Variants in ITFG2 observed in about 807,000 individuals in gnomAD.
The protein encoded by ITFG2 is integrin alpha FG-GAP repeat containing 2.
Under a neutral mutation model 54.4 loss-of-function variants are expected in ITFG2, and 36 were observed. The ratio of observed to expected loss-of-function variants is 0.66; its 90% confidence interval spans 0.51 to 0.87. The LOEUF is 0.87. Ranked by LOEUF, ITFG2 falls within the 40% of genes least tolerant of loss-of-function variation. The pLI is 0.00. For synonymous variants in ITFG2, 211 were observed against 225.4 expected, an observed-to-expected ratio of 0.94 and a Z score of 0.57; for missense variants, 524 against 576.7, an observed-to-expected ratio of 0.91 and a Z score of 0.94.
chr12:2,828,127 A>T, downstream of ITFG2: 3 of 1,392,574 alleles, frequency 2.2e-6, no homozygotes, highest in Non-Finnish European at 3.0e-6. Context: ...GTCCCTCTCT[A>T]CTATGGTTTC....
Position 2,820,194 on chromosome 12 carries a change from T to G in ITFG2, c.515T>G (p.Val172Gly). Residue 172 changes from valine (V) to glycine (G), a missense_variant, in exon 5 of 12, where the codon GTG (valine) becomes GGG (glycine). Transcript: ENST00000228799. ...EGPEHLTGQLVSLKKWMLEGQ... is the reference protein window; with the variant it reads ...EGPEHLTGQLGSLKKWMLEGQ... ...CCTGAACATCTGACAGGGCAGCTGG[T>G]GTCCCTCAAGAAATGGATGCTGGAG... The G allele has an allele frequency of 1.9e-6, 3 of 1,612,114 alleles. No homozygotes were observed. The highest frequency in any genetic ancestry group is 1.3e-5 in the African/African-American group (1 of 74,952).
chr12:2,850,475 C>CAAA (rs1275655927), intron 2 of ITFG2, among the ~76,000 whole-genome samples: 2,397 of 70,600 alleles, frequency 0.034, 105 homozygotes, highest in African/African-American at 0.11. Flanking sequence ...GACTCTGTCT[C>CAAA]AAAAAAAAAA....
intron 2 of ITFG2, among the ~76,000 whole-genome samples, chr12:2,842,515 C>T (rs1340929599): frequency 6.6e-6 from 1 of 152,022 alleles, no homozygotes; most frequent in Non-Finnish European, 1.5e-5. Flanking sequence ...GCAAGACGAT[C>T]ACCTGAGGCC....
intron 1 of ITFG2, 93 bp downstream of exon 1, chr12:2,812,949 G>T (rs1299734496): frequency 9.6e-7 from 1 of 1,043,170 alleles, no homozygotes; most frequent in South Asian, 1.3e-5. Context: ...CCACGTGAGC[G>T]TGAGCATGCG....
Position 2,818,192 on chromosome 12 carries a change from C to A in ITFG2, c.321C>A (p.His107Gln). The A allele has an allele frequency of 6.2e-7, 1 of 1,614,124 alleles. No homozygotes were observed. Among genetic ancestry groups the A allele is most frequent in the Non-Finnish European group, 8.5e-7 (1 of 1,180,038 alleles). Residue 107 changes from histidine (H) to glutamine (Q), a missense_variant, in exon 4 of 12, where the codon CAC (histidine) becomes CAA (glutamine). Transcript: ENST00000228799. Reference protein sequence around the residue: ...PAKVLDASGHHETLIGEEQRP... With the variant: ...PAKVLDASGHQETLIGEEQRP... ...AGGTGTTGGATGCTTCTGGGCACCA[C>A]GAGACACTAATCGGAGAGGAGCAGC...
At chr12:2,849,554 G>C in intron 2 of ITFG2, 1 of 1,535,628 alleles carries the variant, frequency 6.5e-7, no homozygotes, top group Non-Finnish European at 8.7e-7. Context: ...GGAGAGAACA[G>C]AGAGATCAAA....
In ITFG2 at chr12:2,822,899, G is replaced by A. The variant is rs1244296500; in HGVS notation, c.1054G>A (p.Ala352Thr). ...CTTCCAAGTGGATGAAAATATCCGT[G>A]CCTTCTGTGCAGGTGACCCCCGCCC... ...VRFQVDENIRAFCAGLYACKE... is the reference protein window; with the variant it reads ...VRFQVDENIRTFCAGLYACKE... Residue 352 changes from alanine (A) to threonine (T), a missense_variant, in exon 10 of 12, where the codon GCC (alanine) becomes ACC (threonine). Coordinates refer to ENST00000228799, the MANE Select transcript of ITFG2 (RefSeq NM_018463.4). 5 of 1,613,874 alleles carry A rather than the reference G, an allele frequency of 3.1e-6. No individual in the cohort carries two copies. Among genetic ancestry groups the A allele is most frequent in the Middle Eastern group, 3.3e-4 (2 of 6,084 alleles).
At chr12:2,854,798 G>T in intron 2 of ITFG2, 1 of 1,266,614 alleles carries the variant, frequency 7.9e-7, no homozygotes, top group Non-Finnish European at 1.1e-6. Context: ...CCAGAGCGGG[G>T]AAGGACAGAG....
At chr12:2,835,766 T>C (rs528543665), upstream of ITFG2, among the ~76,000 whole-genome samples, 8 of 152,382 alleles carry the variant, frequency 5.2e-5, no homozygotes, top group African/African-American at 1.7e-4. Flanking sequence ...CCTGTGCACT[T>C]CCACTTCCGC....
At chr12:2,813,369 AGTG>A (rs899454887) in intron 1 of ITFG2, among the ~76,000 whole-genome samples, 2 of 152,132 alleles carry the variant, frequency 1.3e-5, no homozygotes, top group Admixed American at 1.3e-4. Context: ...CTTAAGTGTT[AGTG>A]GTGGTGGTGG....
At chr12:2,828,409 C>G (rs1187401968), downstream of ITFG2, 5 of 1,613,756 alleles carry the variant, frequency 3.1e-6, no homozygotes, top group Non-Finnish European at 4.2e-6. Context: ...GCAGCTGGTC[C>G]TGGCACTAAG....
At chr12:2,834,937 C>G (rs1300484576), upstream of ITFG2, 4 of 1,609,226 alleles carry the variant, frequency 2.5e-6, no homozygotes, top group Non-Finnish European at 3.4e-6. Context: ...GCTCTCTTTC[C>G]AACAGGAGGG....
At chr12:2,842,511 C>T (rs959201622) in intron 2 of ITFG2, among the ~76,000 whole-genome samples, 7 of 151,948 alleles carry the variant, frequency 4.6e-5, no homozygotes, top group African/African-American at 1.7e-4. Context: ...GAAGGCAAGA[C>T]GATCACCTGA....
At chr12:2,830,790 C>T (rs944752207) in intron 2 of ITFG2, 9 of 1,613,818 alleles carry the variant, frequency 5.6e-6, no homozygotes, top group South Asian at 3.3e-5. Context: ...GTCCTGCATC[C>T]GGGGAGGCTC....
upstream of ITFG2, chr12:2,835,159 ATGTGTGTGTGTGTGTGTG>A: frequency 3.6e-6 from 4 of 1,125,232 alleles, no homozygotes; most frequent in South Asian, 6.4e-5. Context: ...GATGGGGCGT[ATGTGTGTGTGTGTGTGTG>A]TGTGTGTGTG....
At position 2,824,213 on chromosome 12, in the gene ITFG2, G is replaced by A. The variant is rs753399484; in HGVS notation, c.*20G>A. On this transcript the variant is annotated 3_prime_UTR_variant, in exon 12 of 12. Transcript: ENST00000228799. ...ACCTAGCTGTACTTGCCTCATAGCT[G>A]GTGAAGGATTCTTCTGAACCCCCAC... 5 of 1,609,928 alleles carry A rather than the reference G, an allele frequency of 3.1e-6. No individual in the cohort carries two copies. In the Admixed American group the frequency reaches 8.3e-5, roughly 27 times the overall value.
chr12:2,821,746 T>C lies in ITFG2; in HGVS notation c.902T>C (p.Val301Ala), dbSNP rs2097945531. Residue 301 changes from valine to alanine, a missense_variant, in exon 9 of 12, where the codon GTG becomes GCG. By Grantham distance (64) the Val-to-Ala change is moderately conservative. Transcript: ENST00000228799. ...MEEADKLLWS[V>A]QVDHQLFALE... is the part of the protein sequence containing the mutation. ...GAAGCAGACAAGCTGCTGTGGTCAGTGCAGGTGGATCACCAGCTCTTTGCC... is the reference window on the plus strand; with the variant it reads ...GAAGCAGACAAGCTGCTGTGGTCAGCGCAGGTGGATCACCAGCTCTTTGCC... 3 of 1,614,026 alleles carry C rather than the reference T, an allele frequency of 1.9e-6. No individual in the cohort carries two copies. Among genetic ancestry groups the C allele is most frequent in the Admixed American group, 1.7e-5 (1 of 60,008 alleles).
At chr12:2,827,161 C>T, downstream of ITFG2, 6 of 1,613,234 alleles carry the variant, frequency 3.7e-6, no homozygotes, top group Non-Finnish European at 4.2e-6. This position sits in a 1 kb window ranked among gnomAD's most constrained non-coding sequence, Gnocchi z 4.0. Context: ...CACGCCTCTT[C>T]TTCTAAGGCA....
intron 2 of ITFG2, among the ~76,000 whole-genome samples, chr12:2,846,867 G>A (rs2098054699): frequency 6.6e-6 from 1 of 152,140 alleles, no homozygotes; most frequent in Admixed American, 6.5e-5. Context: ...CTCTACAAGA[G>A]TTCGATGTAT....
Sources: allele counts gnomAD v4.1 joint callset (sites outside exome capture counted in the v4.1 genomes callset), GRCh38; gene constraint gnomAD v4.1.1; non-coding constraint Gnocchi (gnomAD v3.1); transcripts MANE v1.5; gene names NCBI Gene and HGNC (gene_info 2026-07-23, HGNC 2026-07-21).